Variants in KIF13B observed in about 807,000 individuals in gnomAD.
The protein encoded by KIF13B is kinesin family member 13B.
KIF13B carries 127 observed loss-of-function variants against 222.0 expected under a neutral mutation model. That is an observed-to-expected ratio of 0.57 (90% CI 0.50 to 0.66). KIF13B has a LOEUF of 0.66. Ranked by LOEUF, KIF13B falls within the 30% of genes least tolerant of loss-of-function variation. The pLI, the probability that KIF13B is intolerant of heterozygous loss-of-function variation, is 0.00. For synonymous variants in KIF13B, 976 were observed against 919.0 expected (o/e 1.06, Z -1.12); for missense variants, 2,173 against 2,379.0 (o/e 0.91, Z 1.80).
rs1458579120 is a variant in KIF13B at position 29,070,714 on chromosome 8, G to C, written c.5271C>G (p.Gly1757=). The change falls in exon 40 of 40, where the codon GGC becomes GGG. Residue 1757 remains glycine, a synonymous_variant. Transcript: ENST00000524189. The surrounding 1 kb of genome is among the most constrained non-coding windows in gnomAD (Gnocchi z 4.1). ...GGCTGGGCCTGACCAGCAGCCCGTAGCCAGGGTTACACCTGAAGTACTGCT... is the reference window on the plus strand; with the variant it reads ...GGCTGGGCCTGACCAGCAGCCCGTACCCAGGGTTACACCTGAAGTACTGCT... ...GGKQYFRCNP[G]YGLLVRPSRV... The C allele has an allele frequency of 6.4e-7, 1 of 1,562,860 alleles. No individual in the cohort carries two copies. Among genetic ancestry groups the C allele is most frequent in the Non-Finnish European group, 8.7e-7 (1 of 1,154,264 alleles).
intron 13 of KIF13B, among the ~76,000 whole-genome samples, chr8:29,157,936 T>C (rs1034401761): frequency 6.6e-6 from 1 of 151,904 alleles, no homozygotes; most frequent in Non-Finnish European, 1.5e-5. Flanking sequence ...TTCTACAACC[T>C]GTCCCTGCCT....
chr8:29,077,860 A>T (rs1014325857), intron 37 of KIF13B, among the ~76,000 whole-genome samples: 1 of 152,174 alleles, frequency 6.6e-6, no homozygotes, highest in Non-Finnish European at 1.5e-5. Context: ...GCGTGGCACC[A>T]GGTGCCTCAG....
intron 32 of KIF13B, 46 bp downstream of exon 32, chr8:29,113,417 T>G: frequency 8.2e-7 from 1 of 1,226,404 alleles, no homozygotes; most frequent in Non-Finnish European, 1.2e-6. Context: ...GAGTTGGCTC[T>G]TTTTAAGTGT....
chr8:29,186,803 C>CAAA (rs56325995), intron 5 of KIF13B, among the ~76,000 whole-genome samples: 1,676 of 144,912 alleles, frequency 0.012, 29 homozygotes, highest in African/African-American at 0.04. Flanking sequence ...TACTAAAATA[C>CAAA]AAAAAAAAAA....
At chr8:29,097,760 T>A (rs1310188137) in intron 36 of KIF13B, among the ~76,000 whole-genome samples, 1 of 152,042 alleles carries the variant, frequency 6.6e-6, no homozygotes, top group African/African-American at 2.4e-5. Context: ...AAAAACTGGT[T>A]CTGAGATTAA....
intron 14 of KIF13B, among the ~76,000 whole-genome samples, chr8:29,153,277 G>A (rs1002792428): frequency 1.3e-5 from 2 of 152,132 alleles, no homozygotes; most frequent in South Asian, 2.1e-4. Context: ...TCCAATCTAC[G>A]TGAATGAAAA....
Position 29,180,115 on chromosome 8 carries a change from C to T in KIF13B, c.709G>A (p.Val237Met), listed in dbSNP as rs913982292. ...ATCTGAACACCTACCCCAGACTTCA[C>T]ATCGTAGAGAGTATGTGTGAGGGTG... ...KITLTHTLYD[V>M]KSGTSGEKVG... Residue 237 changes from valine (V) to methionine (M), a missense_variant, in exon 8 of 40, where the codon GTG (valine) becomes ATG (methionine). Val to Met is a conservative substitution (Grantham distance 21, BLOSUM62 1). Around this residue, in one of 2 missense-constraint regions of KIF13B, gnomAD observed 1,480 missense variants for 1,722.8 expected, o/e 0.86. Coordinates refer to ENST00000524189, the MANE Select transcript of KIF13B (RefSeq NM_015254.4). 6.2e-7 allele frequency: 1 copy of T among 1,613,966 alleles called. No individual in the cohort carries two copies.
chr8:29,202,412 G>A (rs975087712), intron 2 of KIF13B, among the ~76,000 whole-genome samples: 2 of 152,108 alleles, frequency 1.3e-5, no homozygotes, highest in Admixed American at 6.5e-5. Flanking sequence ...CTGCCTTCTG[G>A]GTTCAAGCGA....
chr8:29,261,004 C>A (rs1313727411), intron 1 of KIF13B, among the ~76,000 whole-genome samples: 1 of 152,024 alleles, frequency 6.6e-6, no homozygotes, highest in Non-Finnish European at 1.5e-5. Flanking sequence ...TCCATAATAA[C>A]CTTTATATTT....
intron 2 of KIF13B, among the ~76,000 whole-genome samples, chr8:29,242,034 C>T (rs1301454188): frequency 6.6e-6 from 1 of 152,138 alleles, no homozygotes; most frequent in African/African-American, 2.4e-5. Context: ...ACAGTGGAGG[C>T]TCCCACTCTC....
In KIF13B at chr8:29,113,460, C is replaced by T; in HGVS notation, c.3930+3G>A. On this transcript the variant is annotated splice_donor_region_variant and intron_variant, in intron 32 of 39. Transcript: ENST00000524189. The stretch of plus-strand genomic sequence containing the variant: ...TAGTAAATTTAAATTGTATATCCTT[C>T]ACCTCTGGAATATTGGAGACAATTT... 2.6e-6 allele frequency: 4 copies of T among 1,532,450 alleles called. No homozygotes were observed. Among genetic ancestry groups the T allele is most frequent in the Non-Finnish European group, 3.6e-6 (4 of 1,122,076 alleles). The allele number at this position is 1,532,450 out of a possible 1,614,324, so 94.9% of individuals were successfully genotyped here.
At chr8:29,075,215 A>T in intron 38 of KIF13B, 66 bp downstream of exon 38, 3 of 1,314,590 alleles carry the variant, frequency 2.3e-6, no homozygotes, top group Non-Finnish European at 3.2e-6. Context: ...TGGACTCAAC[A>T]GTTTCGGCAT....
intron 5 of KIF13B, among the ~76,000 whole-genome samples, chr8:29,188,115 C>T (rs1813021567): frequency 6.6e-6 from 1 of 151,638 alleles, no homozygotes; most frequent in African/African-American, 2.4e-5. Flanking sequence ...TTTTCTTGAC[C>T]ACAGAGACTC....
chr8:29,091,142 A>G (rs1808282154), intron 37 of KIF13B, among the ~76,000 whole-genome samples: 1 of 152,200 alleles, frequency 6.6e-6, no homozygotes, highest in Non-Finnish European at 1.5e-5. Context: ...TTGCTTATGA[A>G]ATCTTCTATA....
At chr8:29,163,303 T>C (rs965792916) in intron 12 of KIF13B, among the ~76,000 whole-genome samples, 1 of 152,148 alleles carries the variant, frequency 6.6e-6, no homozygotes, top group Non-Finnish European at 1.5e-5. Flanking sequence ...TATTGGATGA[T>C]GTAAGGGTCA....
rs1380592611 is a variant in KIF13B at position 29,130,559 on chromosome 8, T to G, written c.3049A>C (p.Thr1017Pro). The G allele has an allele frequency of 6.2e-7, 1 of 1,613,874 alleles. No individual in the cohort carries two copies. The highest frequency in any genetic ancestry group is 2.2e-5 in the East Asian group (1 of 44,870). ...VEVISAKDVP[T>P]GGIFQLRQGQ... is the part of the protein sequence containing the mutation. ...TGCCGGAGCTGGAAGATTCCTCCTGTTGGGACATCCTTTGCAGAAATCACT... is the reference window on the plus strand; with the variant it reads ...TGCCGGAGCTGGAAGATTCCTCCTGGTGGGACATCCTTTGCAGAAATCACT... Residue 1017 changes from threonine (T) to proline (P), a missense_variant, in exon 24 of 40, where the codon ACA becomes CCA. By Grantham distance (38) the Thr-to-Pro change is conservative. Transcript: ENST00000524189.
rs767611456 is a variant in KIF13B, at chr8:29,123,511, G to T, written c.3353-19C>A. 1.2e-6 allele frequency: 2 copies of T among 1,612,996 alleles called. No individual in the cohort carries two copies. The highest frequency in any genetic ancestry group is 1.7e-6 in the Non-Finnish European group (2 of 1,179,456). On this transcript the variant is annotated intron_variant, in intron 27 of 39. Coordinates refer to ENST00000524189, the MANE Select transcript of KIF13B (RefSeq NM_015254.4). ...GTTTTATCTAGAACATCGAGAATGA[G>T]GATTCAATGACAAAACTTCACTTGC...
In KIF13B at chr8:29,082,016, C is replaced by T. The variant is rs114069415; in HGVS notation, c.4459-6673G>A. On this transcript the variant is annotated intron_variant, in intron 37 of 39. Coordinates refer to ENST00000524189, the MANE Select transcript of KIF13B (RefSeq NM_015254.4). ...TCCCAAAGTCATTCCAAGATGAATT[C>T]CACTTTCTTTCAAACAAAGAACCTA... Among the ~76,000 whole-genome samples the T allele has an allele frequency of 3.1e-3, 479 of 152,270 alleles. 2 individuals carry two copies. Among genetic ancestry groups the T allele is most frequent in the African/African-American group, 0.011 (456 of 41,546 alleles).
intron 36 of KIF13B, among the ~76,000 whole-genome samples, chr8:29,093,185 T>C (rs919125201): frequency 2.6e-5 from 4 of 152,194 alleles, no homozygotes; most frequent in Admixed American, 6.5e-5. Flanking sequence ...CATTCACTTC[T>C]GCCCTAGAAT....
Sources: allele counts gnomAD v4.1 joint callset (sites outside exome capture counted in the v4.1 genomes callset), GRCh38; gene constraint gnomAD v4.1.1; regional missense constraint gnomAD v4.1.1; non-coding constraint Gnocchi (gnomAD v3.1); transcripts MANE v1.5; gene names NCBI Gene and HGNC (gene_info 2026-07-23, HGNC 2026-07-21).